SLIT3: variants seen among roughly 807,000 people sequenced by gnomAD.
The protein encoded by SLIT3 is slit homolog 3 protein.
Under a neutral mutation model 184.0 loss-of-function variants are expected in SLIT3, and 68 were observed. That is an observed-to-expected ratio of 0.37 (90% CI 0.30 to 0.45). The LOEUF is 0.45. SLIT3 is among the 20% of genes least tolerant of loss of function. The probability of loss-of-function intolerance (pLI) is 1.00; values close to 1 mark genes in which losing one functional copy is unlikely to be tolerated. For synonymous variants in SLIT3, 831 were observed against 828.6 expected (o/e 1.00, Z -0.05); for missense variants, 1,707 against 2,026.0 (o/e 0.84, Z 3.02).
chr5:169,132,549 C>T (rs944917743), intron 4 of SLIT3, among the ~76,000 whole-genome samples: 5 of 152,082 alleles, frequency 3.3e-5, no homozygotes, highest in East Asian at 3.9e-4. Flanking sequence ...AATTCCTGGG[C>T]CAGAGGGTTT....
At chr5:169,164,514 A>G (rs1194929907) in intron 4 of SLIT3, among the ~76,000 whole-genome samples, 1 of 152,136 alleles carries the variant, frequency 6.6e-6, no homozygotes, top group Non-Finnish European at 1.5e-5. Flanking sequence ...GCCCCAAAGT[A>G]TATATGCACT....
chr5:169,053,286 T>C (rs930863696), intron 4 of SLIT3, among the ~76,000 whole-genome samples: 2 of 152,222 alleles, frequency 1.3e-5, no homozygotes, highest in Admixed American at 1.3e-4. Flanking sequence ...AAACTCTGAT[T>C]GTGTCTGTGG....
intron 3 of SLIT3, among the ~76,000 whole-genome samples, chr5:169,197,527 G>C (rs866376665): frequency 6.6e-6 from 1 of 152,158 alleles, no homozygotes; most frequent in African/African-American, 2.4e-5. Context: ...TAAGTGCCGG[G>C]TGCAGACAGT....
chr5:168,798,677 G>T (rs1756662823), intron 9 of SLIT3, among the ~76,000 whole-genome samples: 1 of 152,140 alleles, frequency 6.6e-6, no homozygotes, highest in African/African-American at 2.4e-5. Context: ...TGCAGTGGGA[G>T]CGTGGTTGCG....
chr5:168,898,081 T>C lies in SLIT3; in HGVS notation c.414-14745A>G, dbSNP rs182004426. 2.1e-3 allele frequency among the ~76,000 whole-genome samples: 325 copies of C among 152,362 alleles called. 3 individuals carry two copies. Among genetic ancestry groups the C allele is most frequent in the African/African-American group, 7.5e-3 (311 of 41,588 alleles). On this transcript the variant is annotated intron_variant, in intron 4 of 35. Coordinates refer to ENST00000519560, the MANE Select transcript of SLIT3 (RefSeq NM_003062.4). ...ACTTTTTACATTACAAAGCGAGTTT[T>C]TAAAAGCTCCATAAAATTTCAAGGC... is the stretch of plus-strand genomic sequence containing the variant.
In SLIT3 at chr5:168,662,068, A is replaced by G. The variant is rs560907575; in HGVS notation, c.*4386T>C. ...ACATGAACAAGTCCCACAAAACCAC[A>G]CTATGCCCTCTGCTTCCCCATCATG... On this transcript the variant is annotated 3_prime_UTR_variant, in exon 36 of 36. Transcript: ENST00000519560. 28 of 152,304 alleles carry G rather than the reference A, an allele frequency of 1.8e-4. No individual in the cohort carries two copies. The highest frequency in any genetic ancestry group is 6.3e-4 in the African/African-American group (26 of 41,566). The allele number at this position is 152,304 out of a possible 1,614,324, so 9.4% of individuals were successfully genotyped here. A position where few individuals can be genotyped will look rare whatever the true frequency, so the allele number is the denominator to read the frequency against.
intron 16 of SLIT3, among the ~76,000 whole-genome samples, chr5:168,760,296 T>C (rs1340570793): frequency 6.6e-6 from 1 of 152,120 alleles, no homozygotes; most frequent in African/African-American, 2.4e-5. Context: ...AGGGTTAGGA[T>C]GATCTGCATC....
chr5:168,722,021 A>C lies in SLIT3; in HGVS notation c.2483+235T>G, dbSNP rs1035145077. On this transcript the variant is annotated intron_variant, in intron 23 of 35. Transcript: ENST00000519560. ...TACACATAAAGAAGCAGAAAGTTGA[A>C]GGGGCTCAGTGATTTGCTCAAGGTT... Among the ~76,000 whole-genome samples the C allele has an allele frequency of 4.6e-5, 7 of 152,322 alleles. 1 individual carries two copies. Among genetic ancestry groups the C allele is most frequent in the African/African-American group, 1.7e-4 (7 of 41,568 alleles).
At chr5:168,800,456 G>A (rs1359299055) in intron 9 of SLIT3, among the ~76,000 whole-genome samples, 3 of 152,138 alleles carry the variant, frequency 2.0e-5, no homozygotes, top group Non-Finnish European at 4.4e-5. Context: ...GCATGGTGGT[G>A]GGTGTCTGTA....
At chr5:169,119,310 AGCAC>A (rs1760798417) in intron 4 of SLIT3, among the ~76,000 whole-genome samples, 1 of 152,202 alleles carries the variant, frequency 6.6e-6, no homozygotes, top group African/African-American at 2.4e-5. Flanking sequence ...CCTAGGAAGG[AGCAC>A]CCCCTAGAAT....
At chr5:168,805,508 ACT>A (rs759944341) in intron 9 of SLIT3, among the ~76,000 whole-genome samples, 1 of 152,182 alleles carries the variant, frequency 6.6e-6, no homozygotes, top group African/African-American at 2.4e-5. Flanking sequence ...AATGAAAACA[ACT>A]GTCGCTATTT....
intron 24 of SLIT3, 90 bp downstream of exon 24, chr5:168,712,193 T>C: frequency 1.8e-6 from 2 of 1,128,148 alleles, no homozygotes; most frequent in South Asian, 2.5e-5. Flanking sequence ...AAAGGACATC[T>C]GCCAAAATGC....
intron 1 of SLIT3, among the ~76,000 whole-genome samples, chr5:169,274,448 AAGAT>A (rs1766734256): frequency 6.6e-6 from 1 of 152,212 alleles, no homozygotes; most frequent in Admixed American, 6.5e-5. Flanking sequence ...AAAAACAGAT[AAGAT>A]AATGTATAAA....
In SLIT3 at chr5:168,692,707, C is replaced by T; in HGVS notation, c.3083-7G>A. ...ACCTCGTCGCATAGCTCACCTGGCA[C>T]AGATGGGGGAGATAGCTCAGGCCTC... is the stretch of plus-strand genomic sequence containing the variant. On this transcript the variant is annotated splice_polypyrimidine_tract_variant and splice_region_variant and intron_variant, in intron 28 of 35. Coordinates refer to ENST00000519560, the MANE Select transcript of SLIT3 (RefSeq NM_003062.4). 6.2e-7 allele frequency: 1 copy of T among 1,610,558 alleles called. No homozygotes were observed. Among genetic ancestry groups the T allele is most frequent in the South Asian group, 1.1e-5 (1 of 90,890 alleles).
chr5:169,195,715 C>T (rs1046198126), intron 3 of SLIT3, among the ~76,000 whole-genome samples: 1 of 152,046 alleles, frequency 6.6e-6, no homozygotes. Flanking sequence ...TTAGTAGAGA[C>T]GGTTTTCACC....
chr5:169,180,078 A>G (rs949545526), intron 4 of SLIT3, among the ~76,000 whole-genome samples: 1 of 152,184 alleles, frequency 6.6e-6, no homozygotes, highest in Admixed American at 6.5e-5. Flanking sequence ...GTAGACAGTG[A>G]CCAATGAGGA....
intron 3 of SLIT3, among the ~76,000 whole-genome samples, chr5:169,217,799 G>C (rs1342238786): frequency 6.6e-6 from 1 of 152,158 alleles, no homozygotes; most frequent in African/African-American, 2.4e-5. Flanking sequence ...GAGGTGGGAG[G>C]TCATTAACCA....
intron 4 of SLIT3, among the ~76,000 whole-genome samples, chr5:169,065,308 G>A (rs2113107363): frequency 6.6e-6 from 1 of 152,262 alleles, no homozygotes; most frequent in African/African-American, 2.4e-5. Flanking sequence ...GTATCACACA[G>A]CCTGCTAGAA....
intron 6 of SLIT3, among the ~76,000 whole-genome samples, chr5:168,838,187 G>A (rs1028879778): frequency 2.0e-5 from 3 of 152,188 alleles, no homozygotes; most frequent in Admixed American, 6.5e-5. Flanking sequence ...TTAAGGGCAG[G>A]TGCTCAGATA....
Sources: gnomAD v4.1 joint callset for allele counts (sites outside exome capture counted in the v4.1 genomes callset) on GRCh38, gnomAD v4.1.1 for gene constraint, MANE v1.5 for transcripts, NCBI Gene and HGNC (gene_info 2026-07-23, HGNC 2026-07-21) for gene names.